Variants in GPR39 observed in about 807,000 individuals in gnomAD.
GPR39 encodes the protein zinc sensing receptor.
In GPR39, 23 loss-of-function variants were observed where a neutral mutation model predicts 18.4. The observed-to-expected ratio is 1.25, with a 90% confidence interval of 0.90 to 1.77. The LOEUF is 1.77. Ranked by LOEUF, GPR39 falls within the 40% of genes most tolerant of loss-of-function variation. GPR39 has a pLI of 0.00. For synonymous variants in GPR39, 280 were observed against 257.9 expected (o/e 1.09, Z -0.82); for missense variants, 647 against 602.4 (o/e 1.07, Z -0.78).
At chr2:132,565,396 C>CTTT (rs67095358) in intron 1 of GPR39, among the ~76,000 whole-genome samples, 1,782 of 137,974 alleles carry the variant, frequency 0.013, 33 homozygotes, top group African/African-American at 0.042. Context: ...GATGAGTTTC[C>CTTT]TTTTTTTTTT....
chr2:132,556,351 G>A (rs554067836), intron 1 of GPR39, among the ~76,000 whole-genome samples: 8 of 152,294 alleles, frequency 5.3e-5, no homozygotes, highest in Admixed American at 1.3e-4. Flanking sequence ...AGTTTCCATA[G>A]TGTAAATGCT....
intron 1 of GPR39, among the ~76,000 whole-genome samples, chr2:132,534,232 G>T (rs1334311434): frequency 6.6e-6 from 1 of 151,992 alleles, no homozygotes; most frequent in Admixed American, 6.6e-5. Context: ...AAAAACACAT[G>T]AAAAAATGTT....
At chr2:132,565,417 T>C (rs1680331722) in intron 1 of GPR39, among the ~76,000 whole-genome samples, 1 of 148,586 alleles carries the variant, frequency 6.7e-6, no homozygotes, top group African/African-American at 2.5e-5. Context: ...TTTTTTATTA[T>C]ACTTTAAGTT....
intron 1 of GPR39, 46 bp downstream of exon 1, chr2:132,417,944 C>T: frequency 6.5e-7 from 1 of 1,530,874 alleles, no homozygotes; most frequent in Non-Finnish European, 8.8e-7. Context: ...TCCCAACCTT[C>T]CCCCACGACC....
At chr2:132,419,663 T>C (rs1679972233) in intron 1 of GPR39, among the ~76,000 whole-genome samples, 1 of 152,208 alleles carries the variant, frequency 6.6e-6, no homozygotes, top group Admixed American at 6.5e-5. Context: ...AGTTCTCCCT[T>C]CCTCCATAAA....
intron 1 of GPR39, among the ~76,000 whole-genome samples, chr2:132,527,380 A>G (rs1322035824): frequency 6.6e-6 from 1 of 152,148 alleles, no homozygotes; most frequent in Admixed American, 6.5e-5. Context: ...TTGCTATTGT[A>G]AATAGTGCTG....
intron 1 of GPR39, among the ~76,000 whole-genome samples, chr2:132,502,732 A>T (rs188880460): frequency 6.6e-6 from 1 of 152,222 alleles, no homozygotes; most frequent in African/African-American, 2.4e-5. Flanking sequence ...CATTTAACAT[A>T]GTCCCAAACT....
chr2:132,580,106 G>T (rs897306040), intron 1 of GPR39, among the ~76,000 whole-genome samples: 3 of 152,224 alleles, frequency 2.0e-5, no homozygotes, highest in Non-Finnish European at 4.4e-5. Context: ...CAAAGTTCGG[G>T]CTTCCTAGTT....
At chr2:132,493,060 C>CTATATATAT (rs1558814979) in intron 1 of GPR39, among the ~76,000 whole-genome samples, 1 of 38,546 alleles carries the variant, frequency 2.6e-5, no homozygotes, top group Non-Finnish European at 5.5e-5. Flanking sequence ...ACCATATATA[C>CTATATATAT]ACCATATATA....
At chr2:132,644,408 G>C (rs1681943361) in intron 1 of GPR39, among the ~76,000 whole-genome samples, 1 of 152,164 alleles carries the variant, frequency 6.6e-6, no homozygotes, top group African/African-American at 2.4e-5. Context: ...TGCCATCTCT[G>C]AATAATTCTT....
intron 1 of GPR39, among the ~76,000 whole-genome samples, chr2:132,458,171 G>T (rs1680766757): frequency 6.6e-6 from 1 of 152,104 alleles, no homozygotes; most frequent in African/African-American, 2.4e-5. Context: ...AGATGAACCA[G>T]GTACCTCAGT....
intron 1 of GPR39, among the ~76,000 whole-genome samples, chr2:132,467,137 CA>C (rs1282949007): frequency 2.0e-5 from 3 of 152,124 alleles, no homozygotes; most frequent in Admixed American, 6.6e-5. Context: ...AGAACCATTA[CA>C]ATGTCTTAGT....
At chr2:132,535,269 C>T (rs570496298) in intron 1 of GPR39, among the ~76,000 whole-genome samples, 10 of 152,236 alleles carry the variant, frequency 6.6e-5, no homozygotes, top group Admixed American at 1.3e-4. Context: ...GAGTTTTTAA[C>T]GTGAAGAGAT....
rs1681045161 is a variant in GPR39, at chr2:132,472,224, A to T, written c.856+54326A>T. Among the ~76,000 whole-genome samples, 2 of 152,164 alleles carry T rather than the reference A, an allele frequency of 1.3e-5. 1 individual carries two copies. The highest frequency in any genetic ancestry group is 2.9e-5 in the Non-Finnish European group (2 of 68,026). ...CATCTTGTCTAACTTGGCTCCTGAG[A>T]ACTTTATCTGGAGTAGATTCTCTGC... On this transcript the variant is annotated intron_variant, in intron 1 of 1. Transcript: ENST00000329321.
chr2:132,422,083 G>A (rs773845868), intron 1 of GPR39, among the ~76,000 whole-genome samples: 1 of 152,178 alleles, frequency 6.6e-6, no homozygotes, highest in Non-Finnish European at 1.5e-5. Flanking sequence ...TGAATCCAAT[G>A]TGGCTTGAGG....
intron 1 of GPR39, among the ~76,000 whole-genome samples, chr2:132,582,115 T>C (rs1250403592): frequency 2.0e-5 from 3 of 152,090 alleles, no homozygotes; most frequent in Admixed American, 6.5e-5. Flanking sequence ...CTCAGGTCCT[T>C]TTAGACACCA....
At chr2:132,585,510 T>A (rs968245359) in intron 1 of GPR39, among the ~76,000 whole-genome samples, 2 of 152,212 alleles carry the variant, frequency 1.3e-5, no homozygotes, top group African/African-American at 4.8e-5. Flanking sequence ...TCGCACACAT[T>A]TTCCAAACTC....
At chr2:132,529,962 G>A (rs185458365) in intron 1 of GPR39, among the ~76,000 whole-genome samples, 1,826 of 152,296 alleles carry the variant, frequency 0.012, 94 homozygotes, top group Admixed American at 0.081. Context: ...TCCTCCAAAG[G>A]AACACAGCTC....
chr2:132,429,258 GTCTC>G, intron 1 of GPR39, among the ~76,000 whole-genome samples: 1 of 152,330 alleles, frequency 6.6e-6, no homozygotes, highest in Non-Finnish European at 1.5e-5. Context: ...CAGAGGGTGA[GTCTC>G]TCAAAAGAAA....
Sources: allele counts gnomAD v4.1 joint callset (sites outside exome capture counted in the v4.1 genomes callset), GRCh38; gene constraint gnomAD v4.1.1; transcripts MANE v1.5; gene names NCBI Gene and HGNC (gene_info 2026-07-23, HGNC 2026-07-21).